DCLK1: variants seen among roughly 807,000 people sequenced by gnomAD.
DCLK1 encodes doublecortin like kinase 1.
Under a neutral mutation model 86.2 loss-of-function variants are expected in DCLK1, and 16 were observed. The observed-to-expected ratio is 0.19, with a 90% CI of 0.13 to 0.28. The LOEUF (loss-of-function observed/expected upper bound fraction) is 0.28, where lower values mean the gene tolerates loss of function less well. Ranked by LOEUF, DCLK1 falls within the 10% of genes least tolerant of loss-of-function variation. DCLK1 has a pLI of 1.00. For synonymous variants in DCLK1, 369 were observed against 370.5 expected, an observed-to-expected ratio of 1.00 and a Z score of 0.05; for missense variants, 590 against 940.2, an observed-to-expected ratio of 0.63 and a Z score of 4.87.
intron 4 of DCLK1, among the ~76,000 whole-genome samples, chr13:35,893,001 A>C (rs1274833620): frequency 6.6e-6 from 1 of 152,168 alleles, no homozygotes; most frequent in Non-Finnish European, 1.5e-5. Flanking sequence ...CACAAACACA[A>C]ATTGATTTGT....
At chr13:35,893,960 T>C (rs1593707232) in intron 4 of DCLK1, among the ~76,000 whole-genome samples, 2 of 152,200 alleles carry the variant, frequency 1.3e-5, no homozygotes, top group East Asian at 3.9e-4. Flanking sequence ...TGCTTTCTGA[T>C]GGTACAACAT....
intron 4 of DCLK1, among the ~76,000 whole-genome samples, chr13:35,939,674 G>A (rs1217023964): frequency 6.6e-6 from 1 of 152,184 alleles, no homozygotes; most frequent in East Asian, 1.9e-4. Context: ...GGGATCACAG[G>A]CATGAGCCAC....
chr13:35,990,790 C>T (rs746903), intron 3 of DCLK1, among the ~76,000 whole-genome samples: 54,850 of 149,362 alleles, frequency 0.37, 11,020 homozygotes, highest in Admixed American at 0.44. Flanking sequence ...AAACAGCCAA[C>T]GTGGGGATTT....
intron 8 of DCLK1, among the ~76,000 whole-genome samples, chr13:35,834,992 G>A (rs759845536): frequency 5.3e-5 from 8 of 152,184 alleles, no homozygotes; most frequent in Non-Finnish European, 1.0e-4. Context: ...GCCAAATGAA[G>A]AACCCTCATG....
At chr13:35,961,280 A>G (rs938504828) in intron 3 of DCLK1, among the ~76,000 whole-genome samples, 3 of 152,204 alleles carry the variant, frequency 2.0e-5, no homozygotes, top group African/African-American at 7.2e-5. Flanking sequence ...AAAGCAAATA[A>G]TAGCAGTATA....
chr13:36,004,889 T>G (rs555090535), intron 3 of DCLK1, among the ~76,000 whole-genome samples: 82 of 152,338 alleles, frequency 5.4e-4, no homozygotes, highest in African/African-American at 1.9e-3. Context: ...GTTCACAAGT[T>G]TTAAATAGTA....
At chr13:35,932,608 G>T (rs1376951833) in intron 4 of DCLK1, among the ~76,000 whole-genome samples, 1 of 152,200 alleles carries the variant, frequency 6.6e-6, no homozygotes, top group Non-Finnish European at 1.5e-5. Context: ...CAAAGAGAGA[G>T]TGAGGAAGAT....
intron 6 of DCLK1, among the ~76,000 whole-genome samples, chr13:35,843,777 A>C (rs1869986642): frequency 6.6e-6 from 1 of 152,216 alleles, no homozygotes; most frequent in African/African-American, 2.4e-5. Context: ...GATTTGAAAA[A>C]TGGTTAAAAA....
At chr13:35,953,167 A>T (rs9315376) in intron 3 of DCLK1, among the ~76,000 whole-genome samples, 1 of 151,702 alleles carries the variant, frequency 6.6e-6, no homozygotes, top group Admixed American at 6.6e-5. Flanking sequence ...CAACTCTGAA[A>T]GAGACAAACT....
intron 15 of DCLK1, among the ~76,000 whole-genome samples, chr13:35,795,991 C>A (rs1394236306): frequency 6.6e-6 from 1 of 151,420 alleles, no homozygotes; most frequent in African/African-American, 2.4e-5. Context: ...ACAAAAGGCC[C>A]CTGGAATTTA....
intron 11 of DCLK1, among the ~76,000 whole-genome samples, chr13:35,822,200 G>A (rs1340988112): frequency 6.6e-6 from 1 of 151,712 alleles, no homozygotes; most frequent in African/African-American, 2.4e-5. Context: ...ACCCAGACTG[G>A]AGTGCAGTAG....
intron 4 of DCLK1, among the ~76,000 whole-genome samples, chr13:35,881,697 T>C (rs967267004): frequency 6.6e-6 from 1 of 152,092 alleles, no homozygotes; most frequent in Non-Finnish European, 1.5e-5. Flanking sequence ...TTGTGACACC[T>C]TGGAGAGTGC....
intron 3 of DCLK1, among the ~76,000 whole-genome samples, chr13:36,107,492 G>T (rs918048467): frequency 4.6e-5 from 7 of 151,828 alleles, no homozygotes; most frequent in African/African-American, 1.7e-4. Context: ...ACATCTCTGG[G>T]TTTTTTTCTC....
At position 35,880,832 on chromosome 13, in the gene DCLK1, A is replaced by G. The variant is rs536655458; in HGVS notation, c.824-9492T>C. On this transcript the variant is annotated intron_variant, in intron 4 of 16. Transcript: ENST00000360631. The stretch of plus-strand genomic sequence containing the variant: ...TGACCTTTTTGAAAGTAAAGCAGTT[A>G]TTAAAATTGAGAAGCTCCACTTTGG... 7.9e-5 allele frequency among the ~76,000 whole-genome samples: 12 copies of G among 152,316 alleles called. No homozygotes were observed. In the East Asian group the frequency reaches 2.1e-3, roughly 27 times the overall value.
intron 4 of DCLK1, among the ~76,000 whole-genome samples, chr13:35,881,511 T>C (rs1003350598): frequency 1.4e-4 from 21 of 152,210 alleles, no homozygotes; most frequent in Non-Finnish European, 2.4e-4. Flanking sequence ...GGCTGACTCC[T>C]TGCTATAGCA....
chr13:35,926,595 T>C (rs1427051963), intron 4 of DCLK1, among the ~76,000 whole-genome samples: 1 of 152,194 alleles, frequency 6.6e-6, no homozygotes, highest in African/African-American at 2.4e-5. Context: ...GTTTGTTAAA[T>C]AGTTCACACT....
intron 11 of DCLK1, 26 bp from the exon 12 acceptor site, chr13:35,810,994 T>C: frequency 1.2e-6 from 2 of 1,613,034 alleles, no homozygotes; most frequent in Non-Finnish European, 1.7e-6. Flanking sequence ...AAATCACAAT[T>C]GTCTGAAAAC....
At chr13:35,854,405 G>A (rs572898441) in intron 6 of DCLK1, 94 bp downstream of exon 6, 341 of 969,760 alleles carry the variant, frequency 3.5e-4, no homozygotes, top group Middle Eastern at 5.2e-4. Context: ...CTTAGATATC[G>A]CCTAGAGACG....
intron 3 of DCLK1, among the ~76,000 whole-genome samples, chr13:35,984,865 C>T (rs974043515): frequency 4.8e-4 from 73 of 151,600 alleles, no homozygotes; most frequent in African/African-American, 1.6e-3. Context: ...ACTCCGCACT[C>T]GACAGCAACC....
Sources: allele counts gnomAD v4.1 joint callset (sites outside exome capture counted in the v4.1 genomes callset), GRCh38; gene constraint gnomAD v4.1.1; transcripts MANE v1.5; gene names NCBI Gene and HGNC (gene_info 2026-07-23, HGNC 2026-07-21).